EPHA3: variants seen among roughly 807,000 people sequenced by gnomAD.
The protein encoded by EPHA3 is EPH receptor A3.
Under a neutral mutation model 107.1 loss-of-function variants are expected in EPHA3, and 42 were observed. The observed-to-expected ratio is 0.39, with a 90% CI of 0.31 to 0.51. EPHA3 has a LOEUF of 0.51. Among genes scored for constraint, EPHA3 ranks in the 20% least tolerant of loss-of-function variants. The pLI, the probability that EPHA3 is intolerant of heterozygous loss-of-function variation, is 0.78. For missense variants in EPHA3, 1,183 were observed against 1,211.2 expected, an observed-to-expected ratio of 0.98 and a Z score of 0.35; for synonymous variants, 461 against 424.8, an observed-to-expected ratio of 1.09 and a Z score of -1.05.
intron 15 of EPHA3, among the ~76,000 whole-genome samples, chr3:89,452,295 T>TG (rs1166530051): frequency 6.6e-6 from 1 of 152,186 alleles, no homozygotes; most frequent in Non-Finnish European, 1.5e-5. Context: ...TTTTTCCATA[T>TG]GGCTGTTCCA....
chr3:89,208,466 G>GAA (rs1320116517), intron 2 of EPHA3, among the ~76,000 whole-genome samples: 2 of 128,036 alleles, frequency 1.6e-5, no homozygotes, highest in African/African-American at 3.1e-5. Context: ...AAGAAAGAAA[G>GAA]AAAGAAAGAA....
chr3:89,221,602 A>C (rs1350813419), intron 3 of EPHA3, among the ~76,000 whole-genome samples: 1 of 152,196 alleles, frequency 6.6e-6, no homozygotes, highest in East Asian at 1.9e-4. Flanking sequence ...ACATACATTT[A>C]AATTACTATT....
intron 2 of EPHA3, among the ~76,000 whole-genome samples, chr3:89,176,497 T>TAAA (rs55877149): frequency 6.2e-4 from 62 of 100,538 alleles, no homozygotes; most frequent in Admixed American, 3.6e-3. Flanking sequence ...ATTCCATCTC[T>TAAA]AAAAAAAAAA....
chr3:89,261,835 G>A (rs867147517), intron 3 of EPHA3, among the ~76,000 whole-genome samples: 2 of 150,784 alleles, frequency 1.3e-5, no homozygotes, highest in South Asian at 4.2e-4. Flanking sequence ...TGGTGCAAAA[G>A]TCATTGCGGT....
chr3:89,272,096 G>A (rs1215099058), intron 3 of EPHA3, among the ~76,000 whole-genome samples: 4 of 151,596 alleles, frequency 2.6e-5, no homozygotes, highest in South Asian at 2.1e-4. Context: ...ATACAAATAC[G>A]CATTAATCGA....
At chr3:89,134,054 C>G (rs1405658275) in intron 2 of EPHA3, among the ~76,000 whole-genome samples, 1 of 150,404 alleles carries the variant, frequency 6.6e-6, no homozygotes, top group Non-Finnish European at 1.5e-5. Context: ...TCGCTCAGCT[C>G]ATGAGGCACC....
intron 2 of EPHA3, among the ~76,000 whole-genome samples, chr3:89,143,062 T>A (rs6551396): frequency 0.23 from 35,078 of 150,726 alleles, 4,221 homozygotes; most frequent in Middle Eastern, 0.33. Context: ...ATATAACTAA[T>A]GAAAAAATGA....
chr3:89,414,947 C>A (rs1337708433), intron 10 of EPHA3, among the ~76,000 whole-genome samples: 4 of 151,384 alleles, frequency 2.6e-5, no homozygotes, highest in Non-Finnish European at 5.9e-5. Flanking sequence ...AGATATATGC[C>A]CATGTTCAGG....
chr3:89,236,716 A>G (rs954440520), intron 3 of EPHA3, among the ~76,000 whole-genome samples: 4 of 152,134 alleles, frequency 2.6e-5, no homozygotes, highest in Non-Finnish European at 5.9e-5. Flanking sequence ...ATGTACCCTA[A>G]AACTTAAAGT....
intron 10 of EPHA3, 138 bp from the exon 11 acceptor site, chr3:89,419,067 G>T: frequency 1.4e-6 from 1 of 702,850 alleles, no homozygotes; most frequent in Non-Finnish European, 2.1e-6. Context: ...AAATAATTTG[G>T]AGTACTAGAG....
intron 3 of EPHA3, among the ~76,000 whole-genome samples, chr3:89,340,206 A>G (rs1428198910): frequency 6.6e-6 from 1 of 152,224 alleles, no homozygotes; most frequent in East Asian, 1.9e-4. Flanking sequence ...TATGGCCAGA[A>G]ATTAAAAAGA....
rs901392598 is a variant in EPHA3 at position 89,399,849 on chromosome 3, A to C, written c.1594+369A>C. The C allele has an allele frequency of 2.8e-6, 3 of 1,084,486 alleles. No homozygotes were observed. The African/African-American group carries it at 4.9e-5, about 18-fold the overall frequency. 67.2% of individuals were successfully genotyped at this position (1,084,486 alleles called of 1,614,324 possible). Reference sequence around the variant, plus strand: ...GTGATTCAATGAACCACAAAAAAGAAACTTGCTGATCCATGAGAATCTTAA... The same window carrying C: ...GTGATTCAATGAACCACAAAAAAGACACTTGCTGATCCATGAGAATCTTAA... On this transcript the variant is annotated intron_variant, in intron 7 of 16. Transcript: ENST00000336596.
intron 3 of EPHA3, among the ~76,000 whole-genome samples, chr3:89,322,815 T>A (rs1707075006): frequency 6.6e-6 from 1 of 152,086 alleles, no homozygotes; most frequent in African/African-American, 2.4e-5. Flanking sequence ...ATATATGTGA[T>A]CAGATGGCCT....
chr3:89,134,893 C>T (rs531390874), intron 2 of EPHA3, among the ~76,000 whole-genome samples: 5 of 152,084 alleles, frequency 3.3e-5, no homozygotes, highest in Non-Finnish European at 5.9e-5. Flanking sequence ...GTCTGAAATA[C>T]ATATAAAACA....
chr3:89,346,487 T>A (rs1576325214), intron 5 of EPHA3, among the ~76,000 whole-genome samples: 1 of 148,100 alleles, frequency 6.8e-6, no homozygotes, highest in East Asian at 1.9e-4. Flanking sequence ...CTTGTAAATT[T>A]GTTTGGGTTC....
Position 89,315,378 on chromosome 3 carries a change from T to C in EPHA3, c.815-25538T>C, listed in dbSNP as rs531207146. Among the ~76,000 whole-genome samples, 3 of 151,914 alleles carry C rather than the reference T, an allele frequency of 2.0e-5. No individual in the cohort carries two copies. In the East Asian group the frequency reaches 5.8e-4, roughly 29 times the overall value. On this transcript the variant is annotated intron_variant, in intron 3 of 16. Transcript: ENST00000336596. Reference sequence around the variant, plus strand: ...AACTATAGTATGTGATGAGACGTGGTGTAAGTGCTACAGTTCAGAGCTCAG... The same window carrying C: ...AACTATAGTATGTGATGAGACGTGGCGTAAGTGCTACAGTTCAGAGCTCAG...
rs1435684853 is a variant in EPHA3, at chr3:89,354,613, C to T, written c.1306+12523C>T. 6.6e-5 allele frequency among the ~76,000 whole-genome samples: 10 copies of T among 151,128 alleles called. 1 individual carries two copies. Among genetic ancestry groups the T allele is most frequent in the Non-Finnish European group, 8.9e-5 (6 of 67,510 alleles). ...AGGGGCCCTGACATTCTATACCATT[C>T]GCACCAAAGTAAAAGAATGCCAAGG... On this transcript the variant is annotated intron_variant, in intron 5 of 16. Coordinates refer to ENST00000336596, the MANE Select transcript of EPHA3 (RefSeq NM_005233.6).
intron 11 of EPHA3, among the ~76,000 whole-genome samples, chr3:89,420,896 A>G (rs987062310): frequency 6.6e-6 from 1 of 151,480 alleles, no homozygotes; most frequent in Non-Finnish European, 1.5e-5. Flanking sequence ...CCCACATTAT[A>G]CTATGACATT....
chr3:89,246,693 C>G (rs1434200383), intron 3 of EPHA3, among the ~76,000 whole-genome samples: 1 of 152,168 alleles, frequency 6.6e-6, no homozygotes, highest in Non-Finnish European at 1.5e-5. Context: ...CTTTCAATAA[C>G]TTTTCTTTGA....
Sources: gnomAD v4.1 joint callset for allele counts (sites outside exome capture counted in the v4.1 genomes callset) on GRCh38, gnomAD v4.1.1 for gene constraint, MANE v1.5 for transcripts, NCBI Gene and HGNC (gene_info 2026-07-23, HGNC 2026-07-21) for gene names.